The following MANBAL variants were observed in gnomAD, a reference collection of about 807,000 sequenced individuals.
MANBAL encodes the protein protein MANBAL.
MANBAL carries 1 observed loss-of-function variant against 6.4 expected under a neutral mutation model. The observed-to-expected ratio is 0.16, with a 90% CI of 0.06 to 0.74. MANBAL has a LOEUF of 0.74. Among genes scored for constraint, MANBAL ranks in the 30% least tolerant of loss-of-function variants. The pLI is 0.78. For missense variants in MANBAL, 100 were observed against 107.8 expected, an observed-to-expected ratio of 0.93 and a Z score of 0.32; for synonymous variants, 47 against 45.8, an observed-to-expected ratio of 1.03 and a Z score of -0.10.
At chr20:37,313,906 G>A (rs2069445964) in intron 2 of MANBAL, among the ~76,000 whole-genome samples, 1 of 152,196 alleles carries the variant, frequency 6.6e-6, no homozygotes, top group Non-Finnish European at 1.5e-5. Context: ...GGTGACCAGC[G>A]GAAGCTCTGG....
chr20:37,313,476 G>A (rs1307411871), intron 2 of MANBAL, among the ~76,000 whole-genome samples: 10 of 152,210 alleles, frequency 6.6e-5, no homozygotes, highest in Non-Finnish European at 1.3e-4. Flanking sequence ...AGGCTGAGGC[G>A]GGTGGATCAC....
intron 2 of MANBAL, among the ~76,000 whole-genome samples, chr20:37,305,306 C>G (rs1224151018): frequency 6.6e-6 from 1 of 152,110 alleles, no homozygotes; most frequent in Non-Finnish European, 1.5e-5. Flanking sequence ...GTTTTATAGG[C>G]AGAGGTGTGT....
chr20:37,289,830 C>T (rs989950348), intron 1 of MANBAL, 144 bp downstream of exon 1: 7 of 152,266 alleles, frequency 4.6e-5, no homozygotes, highest in African/African-American at 1.4e-4. Context: ...GAATACGTTC[C>T]CTCGGCGGTT....
chr20:37,293,234 GA>G lies in MANBAL; in HGVS notation c.-57+3550del, dbSNP rs370216808. On this transcript the variant is annotated intron_variant, in intron 1 of 2. Transcript: ENST00000373606. ...TACTATTACATTGTAATATATAATG[GA>G]ATGATCATACAACTCACCATAATGT... 2.0e-3 allele frequency among the ~76,000 whole-genome samples: 299 copies of G among 152,250 alleles called. 2 individuals carry two copies. The highest frequency in any genetic ancestry group is 6.9e-3 in the African/African-American group (286 of 41,554).
rs1806940 is a variant in MANBAL at position 37,316,771 on chromosome 20, G to T, written c.*356G>T. 0.74 allele frequency: 154,826 copies of T among 208,294 alleles called. 57,826 individuals are homozygous for T. Among genetic ancestry groups the T allele is most frequent in the Admixed American group, 0.82 (14,378 of 17,472 alleles). 12.9% of individuals were successfully genotyped at this position (208,294 alleles called of 1,614,324 possible). On this transcript the variant is annotated 3_prime_UTR_variant, in exon 3 of 3. Transcript: ENST00000373606. ...CTCCTTGTGGGTTTACACTACATTT[G>T]GGAGTCATTGTCTAATGCTGACAAG...
chr20:37,300,056 C>A (rs1186400227), intron 1 of MANBAL, among the ~76,000 whole-genome samples: 3 of 152,188 alleles, frequency 2.0e-5, no homozygotes, highest in African/African-American at 7.2e-5. Context: ...TCCTGGCTCT[C>A]CCTGTGTCCA....
chr20:37,310,146 C>A (rs2069349256), intron 2 of MANBAL, among the ~76,000 whole-genome samples: 1 of 152,202 alleles, frequency 6.6e-6, no homozygotes, highest in South Asian at 2.1e-4. Flanking sequence ...GCTGTTCTTT[C>A]TAATCACAGT....
chr20:37,295,147 G>A (rs894288950), intron 1 of MANBAL, among the ~76,000 whole-genome samples: 9 of 152,102 alleles, frequency 5.9e-5, no homozygotes, highest in African/African-American at 1.4e-4. Context: ...CCTCCTTGTC[G>A]TTAAATGATG....
At chr20:37,307,584 C>G (rs2069286156) in intron 2 of MANBAL, among the ~76,000 whole-genome samples, 1 of 152,010 alleles carries the variant, frequency 6.6e-6, no homozygotes, top group African/African-American at 2.4e-5. Context: ...TGGTGAAACC[C>G]TGTCTCTACT....
rs144459178 is a variant in MANBAL at position 37,291,032 on chromosome 20, T to C, written c.-57+1346T>C. 7.3e-3 allele frequency among the ~76,000 whole-genome samples: 1,115 copies of C among 152,288 alleles called. 15 individuals are homozygous for C. The highest frequency in any genetic ancestry group is 0.024 in the African/African-American group (1,008 of 41,568). ...TGGCCTACCAGCACAGTACACAACA[T>C]TGGGAGATGAAGGCCTGTGGCAGTC... On this transcript the variant is annotated intron_variant, in intron 1 of 2. Transcript: ENST00000373606.
At chr20:37,311,326 T>A (rs1287620480) in intron 2 of MANBAL, among the ~76,000 whole-genome samples, 1 of 152,210 alleles carries the variant, frequency 6.6e-6, no homozygotes, top group African/African-American at 2.4e-5. Flanking sequence ...CGACGGGGCC[T>A]GCCTGGAGAC....
intron 2 of MANBAL, among the ~76,000 whole-genome samples, chr20:37,316,069 T>C (rs939591502): frequency 2.6e-5 from 4 of 152,234 alleles, no homozygotes; most frequent in African/African-American, 9.6e-5. Flanking sequence ...TCCCAGGTTC[T>C]ACCTGGGCGT....
At chr20:37,300,810 G>A (rs1186560867) in intron 1 of MANBAL, among the ~76,000 whole-genome samples, 1 of 152,088 alleles carries the variant, frequency 6.6e-6, no homozygotes, top group Non-Finnish European at 1.5e-5. Context: ...CACAATTCCT[G>A]TATATATTCT....
At chr20:37,314,289 C>T (rs55956212) in intron 2 of MANBAL, among the ~76,000 whole-genome samples, 3,489 of 152,060 alleles carry the variant, frequency 0.023, 132 homozygotes, top group African/African-American at 0.079. Flanking sequence ...GGGTCTGGGA[C>T]AGTTAAGTTG....
Position 37,302,283 on chromosome 20 carries a change from T to G in MANBAL, c.150+870T>G, listed in dbSNP as rs1313682016. The G allele has an allele frequency of 2.6e-6, 4 of 1,550,444 alleles. No individual in the cohort carries two copies. The South Asian group carries it at 4.8e-5, about 18-fold the overall frequency. Reference sequence around the variant, plus strand: ...TCCCTGTGTTTCCTGTCAACAGGAGTTCCATGTAGAGGCCTGATTCCATTC... The same window carrying G: ...TCCCTGTGTTTCCTGTCAACAGGAGGTCCATGTAGAGGCCTGATTCCATTC... On this transcript the variant is annotated intron_variant, in intron 2 of 2. Coordinates refer to ENST00000373606, the MANE Select transcript of MANBAL (RefSeq NM_001003897.2).
intron 2 of MANBAL, chr20:37,302,246 G>A (rs556933284): frequency 4.6e-5 from 71 of 1,550,490 alleles, no homozygotes; most frequent in Admixed American, 1.6e-4. Flanking sequence ...GTCATTTAAC[G>A]TGTTTCTCTG....
chr20:37,313,081 A>G (rs1186245091), intron 2 of MANBAL, among the ~76,000 whole-genome samples: 1 of 152,234 alleles, frequency 6.6e-6, no homozygotes, highest in Non-Finnish European at 1.5e-5. Context: ...GGAGACTAAC[A>G]TGAAAACATG....
Position 37,316,509 on chromosome 20 carries a change from A to G in MANBAL, c.*94A>G. On this transcript the variant is annotated 3_prime_UTR_variant, in exon 3 of 3. Coordinates refer to ENST00000373606, the MANE Select transcript of MANBAL (RefSeq NM_001003897.2). ...TTGTGTTCCCCCGCATTCCAGGCTC[A>G]GGGTCTGAGGAGGCTGTGACGCCCT... 1 of 1,127,444 alleles carries G rather than the reference A, an allele frequency of 8.9e-7. No homozygotes were observed. The highest frequency in any genetic ancestry group is 1.6e-5 in the African/African-American group (1 of 63,710). 69.8% of individuals were successfully genotyped at this position (1,127,444 alleles called of 1,614,324 possible).
At chr20:37,307,999 C>G (rs932719435) in intron 2 of MANBAL, among the ~76,000 whole-genome samples, 16 of 152,194 alleles carry the variant, frequency 1.1e-4, no homozygotes, top group African/African-American at 3.9e-4. Context: ...CTTACTGCTC[C>G]TCACTGGCAT....
Sources: allele counts gnomAD v4.1 joint callset (sites outside exome capture counted in the v4.1 genomes callset), GRCh38; gene constraint gnomAD v4.1.1; transcripts MANE v1.5; gene names NCBI Gene and HGNC (gene_info 2026-07-23, HGNC 2026-07-21).